Variants in AGMO observed in about 807,000 individuals in gnomAD.
AGMO encodes glyceryl-ether monooxygenase.
In AGMO, 75 loss-of-function variants were observed where a neutral mutation model predicts 60.2. That is an observed-to-expected ratio of 1.25 (90% CI 1.03 to 1.51). The LOEUF (loss-of-function observed/expected upper bound fraction) is 1.51, where lower values mean the gene tolerates loss of function less well. AGMO is among the 40% of genes most tolerant of loss of function. The pLI is 0.00. For missense variants in AGMO, 763 were observed against 525.5 expected, an observed-to-expected ratio of 1.45 and a Z score of -4.42; for synonymous variants, 261 against 177.1, an observed-to-expected ratio of 1.47 and a Z score of -3.76.
chr7:15,212,075 A>G (rs1451210394), intron 12 of AGMO, among the ~76,000 whole-genome samples: 6 of 151,992 alleles, frequency 3.9e-5, no homozygotes, highest in Admixed American at 3.9e-4. Context: ...TGTATTCTAA[A>G]CAATGCTCTG....
At chr7:15,229,177 G>A (rs542898098) in intron 12 of AGMO, among the ~76,000 whole-genome samples, 10 of 152,050 alleles carry the variant, frequency 6.6e-5, no homozygotes, top group South Asian at 2.1e-4. Flanking sequence ...TGTTGCCTCC[G>A]ACAAACACAA....
At chr7:15,262,884 A>G (rs945133001) in intron 12 of AGMO, among the ~76,000 whole-genome samples, 2 of 152,232 alleles carry the variant, frequency 1.3e-5, no homozygotes, top group Middle Eastern at 3.4e-3. Context: ...CCACATGTAG[A>G]AGAATGAAAC....
intron 12 of AGMO, among the ~76,000 whole-genome samples, chr7:15,223,463 C>G (rs1364269988): frequency 6.6e-6 from 1 of 151,890 alleles, no homozygotes; most frequent in Non-Finnish European, 1.5e-5. Context: ...GTTAAAGATT[C>G]TATTCAATGA....
chr7:15,136,382 C>T, the AGMO span, among the ~76,000 whole-genome samples: 9 of 152,206 alleles, frequency 5.9e-5, no homozygotes, highest in African/African-American at 1.9e-4. Context: ...TTTTTATCTC[C>T]TAATTACTGT....
intron 3 of AGMO, among the ~76,000 whole-genome samples, chr7:15,531,174 C>CTA (rs1554283499): frequency 5.1e-5 from 1 of 19,748 alleles, no homozygotes; most frequent in African/African-American, 2.6e-4. Context: ...TATATATATT[C>CTA]TATATATTCT....
At chr7:15,246,525 C>A (rs985223438) in intron 12 of AGMO, among the ~76,000 whole-genome samples, 1 of 152,106 alleles carries the variant, frequency 6.6e-6, no homozygotes, top group African/African-American at 2.4e-5. Flanking sequence ...CAGAAGCTAT[C>A]AAATAGAGCT....
chr7:15,333,176 G>T (rs1218558230), intron 12 of AGMO, among the ~76,000 whole-genome samples: 5 of 152,106 alleles, frequency 3.3e-5, no homozygotes, highest in Non-Finnish European at 5.9e-5. Flanking sequence ...GCTTGAAATG[G>T]ATACTCATCC....
chr7:15,354,396 A>AGACG lies in AGMO; in HGVS notation c.1263+11117_1263+11118insCGTC, dbSNP rs1782398851. Among the ~76,000 whole-genome samples the AGACG allele has an allele frequency of 2.4e-4, 8 of 33,184 alleles. 1 individual carries two copies. The highest frequency in any genetic ancestry group is 4.0e-4 in the Non-Finnish European group (8 of 19,950). 21.8% of individuals were successfully genotyped at this position (33,184 alleles called of 152,430 possible). A position where few individuals can be genotyped will look rare whatever the true frequency, so the allele number is the denominator to read the frequency against. On this transcript the variant is annotated intron_variant, in intron 12 of 12. Transcript: ENST00000342526. ...CGTGTGTATACACGTGTGTGTATAC[A>AGACG]CGTGTGTGTACACACGTGTGTGTAT...
At chr7:15,191,973 TCA>T in the AGMO span, among the ~76,000 whole-genome samples, 82,031 of 144,598 alleles carry the variant, frequency 0.57, 24,351 homozygotes, top group East Asian at 0.83. Context: ...TGTCTCTCTC[TCA>T]CACACACACA....
intron 12 of AGMO, among the ~76,000 whole-genome samples, chr7:15,354,687 C>G (rs1269963256): frequency 1.3e-5 from 2 of 149,702 alleles, no homozygotes; most frequent in East Asian, 4.0e-4. Context: ...TGGCGGGATA[C>G]TCAAATTGAG....
At chr7:15,504,222 A>G (rs2128526568) in intron 3 of AGMO, among the ~76,000 whole-genome samples, 1 of 152,152 alleles carries the variant, frequency 6.6e-6, no homozygotes, top group East Asian at 1.9e-4. Flanking sequence ...CATAAATTCT[A>G]ATGTAAATGC....
downstream of AGMO, among the ~76,000 whole-genome samples, chr7:15,198,236 A>AGAGAGAGAGAGAGAGAGAGAGG (rs1781178421): frequency 1.7e-5 from 2 of 115,772 alleles, no homozygotes; most frequent in Non-Finnish European, 3.5e-5. Context: ...AGAGAGAGAG[A>AGAGAGAGAGAGAGAGAGAGAGG]GAGAGAGAGA....
At chr7:15,234,542 TTTTG>T (rs1185083543) in intron 12 of AGMO, among the ~76,000 whole-genome samples, 2 of 152,176 alleles carry the variant, frequency 1.3e-5, no homozygotes, top group African/African-American at 4.8e-5. Context: ...TTTGGTTTTG[TTTTG>T]TTTTTGTGTT....
chr7:15,240,344 T>C lies in AGMO; in HGVS notation c.1264-38985A>G, dbSNP rs537841807. Among the ~76,000 whole-genome samples, 67 of 152,326 alleles carry C rather than the reference T, an allele frequency of 4.4e-4. 2 individuals carry two copies. The South Asian group carries it at 6.2e-3, about 14-fold the overall frequency. ...TTGCTTGTTTGAAATTTAAATTTAA[T>C]TGAGCTTTTGTGTTTTATGTGCTAA... On this transcript the variant is annotated intron_variant, in intron 12 of 12. Coordinates refer to ENST00000342526, the MANE Select transcript of AGMO (RefSeq NM_001004320.2).
At chr7:15,502,251 A>G (rs1783406415) in intron 3 of AGMO, among the ~76,000 whole-genome samples, 1 of 152,038 alleles carries the variant, frequency 6.6e-6, no homozygotes, top group Non-Finnish European at 1.5e-5. Flanking sequence ...AGAGGAGATC[A>G]ACTGAGTCCA....
At chr7:15,236,354 A>G (rs932827195) in intron 12 of AGMO, among the ~76,000 whole-genome samples, 1 of 152,168 alleles carries the variant, frequency 6.6e-6, no homozygotes, top group African/African-American at 2.4e-5. Flanking sequence ...ATTTATAAGC[A>G]TGACTCCTTT....
chr7:15,258,977 T>G (rs1309068525), intron 12 of AGMO, among the ~76,000 whole-genome samples: 2 of 152,032 alleles, frequency 1.3e-5, no homozygotes, highest in South Asian at 2.1e-4. Context: ...GAAAAACAAT[T>G]CTGGTAATAT....
Position 15,360,987 on chromosome 7 carries a change from T to A in AGMO, c.1263+4527A>T, listed in dbSNP as rs578224582. 5.3e-5 allele frequency among the ~76,000 whole-genome samples: 8 copies of A among 152,334 alleles called. No homozygotes were observed. In the East Asian group the frequency reaches 1.2e-3, roughly 22 times the overall value. ...AGGCAAAATAATTCCCATGCCTTCTTCACCTTAGTGATGCCAGCCAGCTAT... is the reference window on the plus strand; with the variant it reads ...AGGCAAAATAATTCCCATGCCTTCTACACCTTAGTGATGCCAGCCAGCTAT... On this transcript the variant is annotated intron_variant, in intron 12 of 12. Coordinates refer to ENST00000342526, the MANE Select transcript of AGMO (RefSeq NM_001004320.2).
intron 3 of AGMO, among the ~76,000 whole-genome samples, chr7:15,440,094 G>A (rs1244597584): frequency 6.6e-6 from 1 of 152,200 alleles, no homozygotes; most frequent in East Asian, 1.9e-4. Context: ...GAGAAAGAGA[G>A]ATGCTTGTGG....
Sources: gnomAD v4.1 joint callset for allele counts (sites outside exome capture counted in the v4.1 genomes callset) on GRCh38, gnomAD v4.1.1 for gene constraint, MANE v1.5 for transcripts, NCBI Gene and HGNC (gene_info 2026-07-23, HGNC 2026-07-21) for gene names.